Variants in SCRG1 observed in about 807,000 individuals in gnomAD.
SCRG1 encodes the protein scrapie-responsive protein 1.
In SCRG1, 3 loss-of-function variants were observed where a neutral mutation model predicts 7.7. The observed-to-expected ratio is 0.39, with a 90% CI of 0.18 to 1.01. The LOEUF is 1.01. Among genes scored for constraint, SCRG1 ranks in the 50% least tolerant of loss-of-function variants. The pLI, the probability that SCRG1 is intolerant of heterozygous loss-of-function variation, is 0.36. For synonymous variants in SCRG1, 46 were observed against 41.2 expected (o/e 1.12, Z -0.44); for missense variants, 110 against 117.2 (o/e 0.94, Z 0.28).
chr4:173,484,108 A>G, the SCRG1 span, among the ~76,000 whole-genome samples: 1 of 83,498 alleles, frequency 1.2e-5, no homozygotes, highest in African/African-American at 4.8e-5. Context: ...TATAATATAT[A>G]ATATATAATA....
the SCRG1 span, among the ~76,000 whole-genome samples, chr4:173,485,012 A>AAAT: frequency 2.2e-4 from 3 of 13,926 alleles, 1 homozygote; most frequent in African/African-American, 5.6e-4. Context: ...TAAATATAAT[A>AAAT]TATAATATAT....
the SCRG1 span, among the ~76,000 whole-genome samples, chr4:173,508,828 G>A: frequency 4.3e-4 from 65 of 152,144 alleles, no homozygotes; most frequent in Admixed American, 4.3e-3. This position sits in a 1 kb window ranked among gnomAD's most constrained non-coding sequence, Gnocchi z 4.4. Flanking sequence ...CTCGGGGCCC[G>A]GGAGGCCGAG....
At chr4:173,503,989 A>G in the SCRG1 span, among the ~76,000 whole-genome samples, 1 of 152,122 alleles carries the variant, frequency 6.6e-6, no homozygotes, top group East Asian at 1.9e-4. This position sits in a 1 kb window ranked among gnomAD's most constrained non-coding sequence, Gnocchi z 6.4. Context: ...GGTGTAGTCT[A>G]ATTGTTTCCA....
the SCRG1 span, among the ~76,000 whole-genome samples, chr4:173,499,829 G>C: frequency 6.6e-6 from 1 of 152,208 alleles, no homozygotes; most frequent in African/African-American, 2.4e-5. This position sits in a 1 kb window ranked among gnomAD's most constrained non-coding sequence, Gnocchi z 4.1. Flanking sequence ...TCGAAAGAAA[G>C]GAAAGGAGAA....
the SCRG1 span, among the ~76,000 whole-genome samples, chr4:173,435,031 G>A: frequency 7.9e-5 from 12 of 151,918 alleles, no homozygotes; most frequent in Non-Finnish European, 1.8e-4. Context: ...ACCACCTTAT[G>A]CGATCAAAGA....
intron 2 of SCRG1, among the ~76,000 whole-genome samples, chr4:173,390,560 C>T (rs898826544): frequency 1.3e-5 from 2 of 151,688 alleles, no homozygotes; most frequent in Admixed American, 6.6e-5. Flanking sequence ...GCAACCTCAG[C>T]CTCTCAGGTT....
At chr4:173,391,080 T>C in intron 2 of SCRG1, 93 bp downstream of exon 2, 1 of 1,311,368 alleles carries the variant, frequency 7.6e-7, no homozygotes, top group South Asian at 1.3e-5. Flanking sequence ...ACTAAAAGGG[T>C]TATTAATTTC....
chr4:173,391,124 G>C (rs771899788), intron 2 of SCRG1, 49 bp downstream of exon 2: 1 of 1,599,012 alleles, frequency 6.3e-7, no homozygotes, highest in South Asian at 1.1e-5. Context: ...GCTAAAAGTT[G>C]TTCTGCATAC....
chr4:173,469,457 A>G, the SCRG1 span: 3 of 152,222 alleles, frequency 2.0e-5, no homozygotes, highest in African/African-American at 4.8e-5. Context: ...ATGTATTAAA[A>G]TGATATATGC....
the SCRG1 span, among the ~76,000 whole-genome samples, chr4:173,485,031 ATATATT>A: frequency 2.2e-3 from 60 of 27,360 alleles, 4 homozygotes; most frequent in African/African-American, 8.7e-3. Flanking sequence ...ATAATATATT[ATATATT>A]ATATATTATA....
At chr4:173,427,441 G>A in the SCRG1 span, among the ~76,000 whole-genome samples, 2 of 152,210 alleles carry the variant, frequency 1.3e-5, no homozygotes, top group Non-Finnish European at 2.9e-5. Context: ...GAACCATCAT[G>A]TTTATAAAAT....
At chr4:173,516,836 A>G in the SCRG1 span, among the ~76,000 whole-genome samples, 1 of 152,210 alleles carries the variant, frequency 6.6e-6, no homozygotes, top group South Asian at 2.1e-4. Context: ...AGAGGCTCCC[A>G]GTTCTTCCCC....
At chr4:173,469,321 T>G in the SCRG1 span, 1 of 152,162 alleles carries the variant, frequency 6.6e-6, no homozygotes, top group Non-Finnish European at 1.5e-5. Context: ...AGACTCAGAA[T>G]TTTGTCATAA....
the SCRG1 span, among the ~76,000 whole-genome samples, chr4:173,463,834 G>T: frequency 6.6e-6 from 1 of 152,140 alleles, no homozygotes; most frequent in East Asian, 1.9e-4. Context: ...AGCTGAGTGG[G>T]TGGGGCTCAT....
At chr4:173,466,647 A>C in the SCRG1 span, among the ~76,000 whole-genome samples, 2 of 152,006 alleles carry the variant, frequency 1.3e-5, no homozygotes, top group Non-Finnish European at 2.9e-5. Context: ...AAGAGTCCAA[A>C]TGCTTAACTC....
the SCRG1 span, among the ~76,000 whole-genome samples, chr4:173,470,315 A>C: frequency 1.3e-5 from 2 of 152,044 alleles, no homozygotes; most frequent in African/African-American, 4.8e-5. Flanking sequence ...TGTGCAACCC[A>C]CCATGCAGGT....
At chr4:173,515,893 A>C in the SCRG1 span, among the ~76,000 whole-genome samples, 2 of 152,166 alleles carry the variant, frequency 1.3e-5, no homozygotes, top group Admixed American at 1.3e-4. This position sits in a 1 kb window ranked among gnomAD's most constrained non-coding sequence, Gnocchi z 4.6. Context: ...AGAGAAGTGT[A>C]TTAGTTGGGG....
chr4:173,491,277 G>A, the SCRG1 span, among the ~76,000 whole-genome samples: 1 of 144,532 alleles, frequency 6.9e-6, no homozygotes, highest in Non-Finnish European at 1.5e-5. Context: ...GTGCCCCACT[G>A]CATGCACATG....
At chr4:173,474,016 C>T in the SCRG1 span, among the ~76,000 whole-genome samples, 1 of 152,032 alleles carries the variant, frequency 6.6e-6, no homozygotes, top group South Asian at 2.1e-4. Flanking sequence ...CCCATCTCTA[C>T]TAAAAATACA....
Sources: gnomAD v4.1 joint callset for allele counts (sites outside exome capture counted in the v4.1 genomes callset) on GRCh38, gnomAD v4.1.1 for gene constraint, Gnocchi (gnomAD v3.1) non-coding constraint, MANE v1.5 for transcripts, NCBI Gene and HGNC (gene_info 2026-07-23, HGNC 2026-07-21) for gene names.